Variants in PKHD1 observed in about 807,000 individuals in gnomAD.
PKHD1 encodes PKHD1 ciliary IPT domain containing fibrocystin/polyductin.
PKHD1 carries 291 observed loss-of-function variants against 412.0 expected under a neutral mutation model. That is an observed-to-expected ratio of 0.71 (90% confidence interval 0.64 to 0.78). The LOEUF is 0.78. Ranked by LOEUF, PKHD1 falls within the 30% of genes least tolerant of loss-of-function variation. The pLI is 0.00. For missense variants in PKHD1, 4,825 were observed against 4,950.7 expected, an observed-to-expected ratio of 0.97 and a Z score of 0.76; for synonymous variants, 1,777 against 1,821.5, an observed-to-expected ratio of 0.98 and a Z score of 0.62.
chr6:51,727,232 G>C (rs1782687823), intron 60 of PKHD1, among the ~76,000 whole-genome samples: 1 of 151,988 alleles, frequency 6.6e-6, no homozygotes, highest in South Asian at 2.1e-4. Flanking sequence ...CCAGTCTCGG[G>C]ATAAAATTTT....
intron 36 of PKHD1, among the ~76,000 whole-genome samples, chr6:51,940,425 T>A (rs1788306044): frequency 6.6e-6 from 1 of 151,616 alleles, no homozygotes; most frequent in Non-Finnish European, 1.5e-5. Flanking sequence ...CAGGGGTTCC[T>A]CCAGAACCTC....
intron 34 of PKHD1, 48 bp from the exon 35 acceptor site, chr6:52,010,507 ATGCAATTATTTTTACTCTTATTAATCAT>A (rs1413265280): frequency 7.2e-7 from 1 of 1,386,730 alleles, no homozygotes. Flanking sequence ...TCTTAATGAA[ATGCAATTATTTTTACTCTTATTAATCAT>A]TGCAAGCCAT....
At chr6:51,934,979 G>T (rs1787239780) in intron 36 of PKHD1, among the ~76,000 whole-genome samples, 1 of 152,126 alleles carries the variant, frequency 6.6e-6, no homozygotes. Flanking sequence ...AGTTCCAGTG[G>T]TGGCATTCTA....
chr6:51,982,146 AG>A (rs1291321704), intron 35 of PKHD1, among the ~76,000 whole-genome samples: 1 of 49,434 alleles, frequency 2.0e-5, no homozygotes, highest in African/African-American at 6.2e-5. Context: ...GGAAGTGAGG[AG>A]CGTCTCCGCC....
intron 41 of PKHD1, among the ~76,000 whole-genome samples, chr6:51,904,403 A>T (rs777037971): frequency 1.3e-5 from 2 of 152,204 alleles, no homozygotes; most frequent in Middle Eastern, 6.8e-3. Flanking sequence ...GAAGATCTGA[A>T]ATGTCCTGTA....
intron 13 of PKHD1, 138 bp from the exon 14 acceptor site, chr6:52,062,798 A>G (rs772106254): frequency 2.0e-4 from 197 of 983,010 alleles, no homozygotes; most frequent in Non-Finnish European, 2.2e-4. Flanking sequence ...CAGATAGAGT[A>G]GTTATATGAA....
At chr6:51,821,550 T>A (rs1766427914) in intron 52 of PKHD1, among the ~76,000 whole-genome samples, 1 of 152,226 alleles carries the variant, frequency 6.6e-6, no homozygotes, top group Non-Finnish European at 1.5e-5. Flanking sequence ...TTGCCTGTTT[T>A]AAATAACATG....
chr6:51,903,335 G>A (rs373755160), intron 43 of PKHD1, among the ~76,000 whole-genome samples: 2 of 152,146 alleles, frequency 1.3e-5, no homozygotes, highest in African/African-American at 2.4e-5. Context: ...CCCACAGGTC[G>A]TATGCAGCCC....
chr6:51,840,443 A>G (rs771228332), intron 50 of PKHD1, among the ~76,000 whole-genome samples: 1 of 152,180 alleles, frequency 6.6e-6, no homozygotes, highest in Non-Finnish European at 1.5e-5. Context: ...AGACACCAAC[A>G]CATATATCTG....
At chr6:51,695,604 T>C (rs1311434162) in intron 60 of PKHD1, among the ~76,000 whole-genome samples, 2 of 152,190 alleles carry the variant, frequency 1.3e-5, no homozygotes, top group East Asian at 3.9e-4. Flanking sequence ...CTTGAAGCAG[T>C]GTTGTGTTTA....
At position 52,007,862 on chromosome 6, in the gene PKHD1, G is replaced by A. The variant is rs139040416; in HGVS notation, c.5751+2447C>T. Among the ~76,000 whole-genome samples the A allele has an allele frequency of 2.0e-5, 3 of 152,020 alleles. No individual in the cohort carries two copies. The East Asian group carries it at 5.8e-4, about 29-fold the overall frequency. On this transcript the variant is annotated intron_variant, in intron 35 of 66. Transcript: ENST00000371117. ...TAACTTCCACCATATTGATCCAGTC[G>A]ATGCGACAGGACGTGTGCCTGAGAC...
At chr6:51,904,666 T>C (rs1287988817) in intron 41 of PKHD1, among the ~76,000 whole-genome samples, 2 of 152,172 alleles carry the variant, frequency 1.3e-5, no homozygotes, top group Non-Finnish European at 2.9e-5. Context: ...AAACAAAAAT[T>C]TTAATTCCCT....
intron 66 of PKHD1, among the ~76,000 whole-genome samples, chr6:51,624,582 T>C (rs747291671): frequency 6.6e-6 from 1 of 152,214 alleles, no homozygotes; most frequent in Non-Finnish European, 1.5e-5. Context: ...AATACATTTC[T>C]TTTAGAAGAA....
chr6:51,624,802 G>A (rs1024858378), intron 66 of PKHD1, among the ~76,000 whole-genome samples: 7 of 152,144 alleles, frequency 4.6e-5, no homozygotes, highest in South Asian at 2.1e-4. Flanking sequence ...TGAAACACAC[G>A]GAGAAATTAG....
intron 52 of PKHD1, among the ~76,000 whole-genome samples, chr6:51,792,310 A>C (rs536267277): frequency 1.3e-5 from 2 of 152,364 alleles, no homozygotes; most frequent in South Asian, 2.1e-4. Context: ...TTTTTGCTTA[A>C]ATTTCTAGTA....
At chr6:51,954,527 G>A (rs1451111574) in intron 36 of PKHD1, among the ~76,000 whole-genome samples, 1 of 152,056 alleles carries the variant, frequency 6.6e-6, no homozygotes, top group African/African-American at 2.4e-5. Context: ...CAGCAACAGA[G>A]ACTGGAAACA....
At chr6:51,721,394 T>C in intron 60 of PKHD1, 6 of 485,976 alleles carry the variant, frequency 1.2e-5, no homozygotes, top group African/African-American at 2.1e-5. Flanking sequence ...ATACCAATAA[T>C]AATATATTAA....
At chr6:51,670,951 C>A (rs1581976520) in intron 60 of PKHD1, among the ~76,000 whole-genome samples, 1 of 151,820 alleles carries the variant, frequency 6.6e-6, no homozygotes, top group African/African-American at 2.4e-5. Context: ...TTGTGGGTAA[C>A]CAGACCTTTC....
At chr6:51,753,816 C>G (rs1457968759) in intron 56 of PKHD1, among the ~76,000 whole-genome samples, 1 of 152,206 alleles carries the variant, frequency 6.6e-6, no homozygotes, top group Admixed American at 6.5e-5. Context: ...CGAGAAGCAG[C>G]ACCAGGCAGC....
Sources: gnomAD v4.1 joint callset for allele counts (sites outside exome capture counted in the v4.1 genomes callset) on GRCh38, gnomAD v4.1.1 for gene constraint, MANE v1.5 for transcripts, NCBI Gene and HGNC (gene_info 2026-07-23, HGNC 2026-07-21) for gene names.